TMEM184B: variants seen among roughly 807,000 people sequenced by gnomAD.
TMEM184B encodes the protein putative MAPK-activating protein FM08.
Under a neutral mutation model 41.8 loss-of-function variants are expected in TMEM184B, and 17 were observed. The ratio of observed to expected loss-of-function variants is 0.41; its 90% CI spans 0.28 to 0.61. The LOEUF (loss-of-function observed/expected upper bound fraction) is 0.61, where lower values mean the gene tolerates loss of function less well. TMEM184B is among the 20% of genes least tolerant of loss of function. The pLI is 0.34. For synonymous variants in TMEM184B, 240 were observed against 229.5 expected, an observed-to-expected ratio of 1.05 and a Z score of -0.41; for missense variants, 393 against 557.8, an observed-to-expected ratio of 0.70 and a Z score of 2.98.
chr22:38,270,948 C>T (rs1455718648), intron 1 of TMEM184B, among the ~76,000 whole-genome samples: 4 of 152,182 alleles, frequency 2.6e-5, no homozygotes, highest in South Asian at 4.1e-4. Context: ...TCACAGAACT[C>T]GGCCAATAGG....
rs1361138954 is a variant in TMEM184B, at chr22:38,239,131, A to C, written c.358+6804T>G. On this transcript the variant is annotated intron_variant, in intron 3 of 8. Coordinates refer to ENST00000361906, the MANE Select transcript of TMEM184B (RefSeq NM_012264.5). This position sits in a 1 kb window ranked among gnomAD's most constrained non-coding sequence, Gnocchi z 4.6. The stretch of plus-strand genomic sequence containing the variant: ...ATGGCCCACCCCCAACCCCACAATC[A>C]AACACTGAATGCATATGGGGGGTGG... Among the ~76,000 whole-genome samples the C allele has an allele frequency of 6.6e-6, 1 of 152,036 alleles. No homozygotes were observed. The highest frequency in any genetic ancestry group is 2.1e-4 in the South Asian group (1 of 4,822).
At chr22:38,261,737 T>C (rs2092371098) in intron 1 of TMEM184B, among the ~76,000 whole-genome samples, 1 of 152,222 alleles carries the variant, frequency 6.6e-6, no homozygotes, top group African/African-American at 2.4e-5. Context: ...ACTGAGCGGA[T>C]AGGTCCCCTG....
intron 1 of TMEM184B, among the ~76,000 whole-genome samples, chr22:38,251,501 A>G (rs1302378281): frequency 6.6e-6 from 1 of 152,210 alleles, no homozygotes; most frequent in Non-Finnish European, 1.5e-5. Context: ...TTGAAGGCCC[A>G]GAGCTCGCCT....
chr22:38,245,920 C>G lies in TMEM184B; in HGVS notation c.358+15G>C. 1 of 1,600,626 alleles carries G rather than the reference C, an allele frequency of 6.2e-7. No individual in the cohort carries two copies. The highest frequency in any genetic ancestry group is 1.1e-5 in the South Asian group (1 of 90,638). On this transcript the variant is annotated intron_variant, in intron 3 of 8. Transcript: ENST00000361906. ...AGCCCCCCGCCAGCCCTCCCCACTC[C>G]GTCCCCATCCTCACCCTCATAGCAG...
chr22:38,255,262 G>GATCC (rs1304683862), intron 1 of TMEM184B, among the ~76,000 whole-genome samples: 2 of 152,166 alleles, frequency 1.3e-5, no homozygotes, highest in African/African-American at 2.4e-5. Flanking sequence ...CTGACCTTGT[G>GATCC]ATCCGCCCGC....
intron 3 of TMEM184B, among the ~76,000 whole-genome samples, chr22:38,235,056 C>T (rs1351604237): frequency 6.6e-6 from 1 of 152,212 alleles, no homozygotes; most frequent in Non-Finnish European, 1.5e-5. Flanking sequence ...AGTCCTACCT[C>T]CAATGACTAC....
Position 38,260,168 on chromosome 22 carries a change from A to C in TMEM184B, c.-58-12149T>G, listed in dbSNP as rs189686839. 7.0e-4 allele frequency among the ~76,000 whole-genome samples: 107 copies of C among 152,098 alleles called. No homozygotes were observed. The East Asian group carries it at 0.019, about 27-fold the overall frequency. On this transcript the variant is annotated intron_variant, in intron 1 of 8. Transcript: ENST00000361906. ...TGTGTTCCGCCCACCTTGTCCTCCC[A>C]AAGTTCTGGGATTACAGGCGTGATC...
intron 3 of TMEM184B, among the ~76,000 whole-genome samples, chr22:38,241,745 G>A (rs1442963562): frequency 6.6e-6 from 1 of 151,410 alleles, no homozygotes; most frequent in African/African-American, 2.4e-5. Flanking sequence ...TTAGCCAGGT[G>A]TGGTGGCGGG....
At chr22:38,258,066 T>C (rs1324619507) in intron 1 of TMEM184B, among the ~76,000 whole-genome samples, 1 of 152,144 alleles carries the variant, frequency 6.6e-6, no homozygotes, top group Admixed American at 6.6e-5. Flanking sequence ...CACCTGTCTC[T>C]CATTCACACG....
In TMEM184B at chr22:38,268,231, A is replaced by G. The variant is rs546656108; in HGVS notation, c.-59+4653T>C. On this transcript the variant is annotated intron_variant, in intron 1 of 8. Coordinates refer to ENST00000361906, the MANE Select transcript of TMEM184B (RefSeq NM_012264.5). ...CCCCATCTCTACTAAAAATACAAAA[A>G]TTAGCCAGGCATGATGGTGGGTGCC... 2.2e-3 allele frequency among the ~76,000 whole-genome samples: 341 copies of G among 152,154 alleles called. 3 individuals carry two copies. Among genetic ancestry groups the G allele is most frequent in the African/African-American group, 8.0e-3 (333 of 41,522 alleles).
intron 1 of TMEM184B, among the ~76,000 whole-genome samples, chr22:38,252,880 C>T (rs1009234034): frequency 6.6e-6 from 1 of 152,230 alleles, no homozygotes; most frequent in African/African-American, 2.4e-5. Flanking sequence ...AGGTGCCTCA[C>T]GCCTGTAATC....
chr22:38,255,460 C>T (rs565685028), intron 1 of TMEM184B, among the ~76,000 whole-genome samples: 26 of 152,384 alleles, frequency 1.7e-4, no homozygotes, highest in African/African-American at 6.3e-4. Context: ...GCGTGAGCCA[C>T]CATGCCTGGC....
intron 1 of TMEM184B, among the ~76,000 whole-genome samples, chr22:38,254,165 C>T (rs1458452158): frequency 1.4e-5 from 2 of 147,020 alleles, no homozygotes; most frequent in East Asian, 4.1e-4. Flanking sequence ...CGTGCCATTG[C>T]ACTCCCGCCC....
chr22:38,231,330 C>T lies in TMEM184B; in HGVS notation c.363G>A (p.Leu121=), dbSNP rs773531524. 1.9e-6 allele frequency: 3 copies of T among 1,613,954 alleles called. No homozygotes were observed. Among genetic ancestry groups the T allele is most frequent in the East Asian group, 2.2e-5 (1 of 44,884 alleles). The part of the protein sequence containing the change: ...FGTVRDCYEA[L]VIYNFLSLCY... Reference sequence around the variant, plus strand: ...ACAGGCTCAGGAAATTATAGATGACCAAGGCTGCGAAGAGAGTGTCCAGGA... The same window carrying T: ...ACAGGCTCAGGAAATTATAGATGACTAAGGCTGCGAAGAGAGTGTCCAGGA... Residue 121 remains leucine, a synonymous_variant, in exon 4 of 9, where the codon TTG becomes TTA. Coordinates refer to ENST00000361906, the MANE Select transcript of TMEM184B (RefSeq NM_012264.5).
At chr22:38,253,398 T>C (rs936665054) in intron 1 of TMEM184B, among the ~76,000 whole-genome samples, 2 of 152,096 alleles carry the variant, frequency 1.3e-5, no homozygotes, top group East Asian at 3.9e-4. Context: ...AGCGAAACCC[T>C]GTCTCTACTA....
chr22:38,231,291 T>C lies in TMEM184B; in HGVS notation c.402A>G (p.Leu134=). The C allele has an allele frequency of 6.2e-7, 1 of 1,614,136 alleles. No individual in the cohort carries two copies. ...CCGACATGATGGAACTTTCTCCTCC[T>C]AGGTACTCATAGCACAGGCTCAGGA... is the stretch of plus-strand genomic sequence containing the variant. ...YNFLSLCYEY[L]GGESSIMSEI... The change falls in exon 4 of 9, where the codon CTA becomes CTG. Residue 134 remains leucine, a synonymous_variant. Coordinates refer to ENST00000361906, the MANE Select transcript of TMEM184B (RefSeq NM_012264.5).
intron 1 of TMEM184B, chr22:38,272,596 CG>C: frequency 1.0e-6 from 1 of 985,592 alleles, no homozygotes; most frequent in Non-Finnish European, 1.2e-6. Flanking sequence ...GGCCGCCCCC[CG>C]GACAGGTCCG....
At chr22:38,267,049 C>A (rs2092453552) in intron 1 of TMEM184B, among the ~76,000 whole-genome samples, 1 of 149,738 alleles carries the variant, frequency 6.7e-6, no homozygotes, top group Non-Finnish European at 1.5e-5. Context: ...CACCACTGCA[C>A]TGTCTGCCTG....
intron 1 of TMEM184B, chr22:38,272,533 A>G: frequency 1.0e-6 from 1 of 985,710 alleles, no homozygotes; most frequent in Non-Finnish European, 1.2e-6. Flanking sequence ...CCCACCCGGG[A>G]GCACACAATC....
Sources: allele counts gnomAD v4.1 joint callset (sites outside exome capture counted in the v4.1 genomes callset), GRCh38; gene constraint gnomAD v4.1.1; non-coding constraint Gnocchi (gnomAD v3.1); transcripts MANE v1.5; gene names NCBI Gene and HGNC (gene_info 2026-07-23, HGNC 2026-07-21).